Variants in AAGAB observed in about 807,000 individuals in gnomAD.
The protein encoded by AAGAB is alpha and gamma adaptin binding protein.
AAGAB carries 38 observed loss-of-function variants against 44.1 expected under a neutral mutation model. The ratio of observed to expected loss-of-function variants is 0.86; its 90% CI spans 0.67 to 1.13. The LOEUF is 1.13. Among genes scored for constraint, AAGAB ranks in the 50% most tolerant of loss-of-function variants. AAGAB has a pLI of 0.00. For missense variants in AAGAB, 450 were observed against 373.8 expected, an observed-to-expected ratio of 1.20 and a Z score of -1.68; for synonymous variants, 131 against 131.8, an observed-to-expected ratio of 0.99 and a Z score of 0.04.
intron 5 of AAGAB, among the ~76,000 whole-genome samples, chr15:67,223,051 A>G (rs983285679): frequency 6.6e-6 from 1 of 152,150 alleles, no homozygotes; most frequent in African/African-American, 2.4e-5. Context: ...TGCTTCCCGA[A>G]TAAGACTCCA....
chr15:67,205,991 A>C (rs1336758785), intron 7 of AAGAB, among the ~76,000 whole-genome samples: 1 of 152,220 alleles, frequency 6.6e-6, no homozygotes, highest in Non-Finnish European at 1.5e-5. Context: ...ACAATTATAA[A>C]AATCAAGAAG....
chr15:67,235,765 C>T (rs571686246), intron 4 of AAGAB, among the ~76,000 whole-genome samples: 70 of 152,248 alleles, frequency 4.6e-4, no homozygotes, highest in African/African-American at 1.6e-3. Context: ...GAAAAACACA[C>T]ATTTTCAAAA....
chr15:67,230,787 C>A (rs1964316510), intron 5 of AAGAB, among the ~76,000 whole-genome samples: 1 of 152,194 alleles, frequency 6.6e-6, no homozygotes, highest in African/African-American at 2.4e-5. Context: ...CACTACATTA[C>A]CCCGGGCCCC....
intron 5 of AAGAB, among the ~76,000 whole-genome samples, chr15:67,211,771 C>A (rs1040868825): frequency 6.6e-6 from 1 of 152,192 alleles, no homozygotes; most frequent in African/African-American, 2.4e-5. Context: ...TATTTTTCCT[C>A]TGTTAGGCGT....
At chr15:67,215,995 C>A (rs1182847878) in intron 5 of AAGAB, among the ~76,000 whole-genome samples, 1 of 152,094 alleles carries the variant, frequency 6.6e-6, no homozygotes, top group Non-Finnish European at 1.5e-5. Flanking sequence ...TCCCTTGACA[C>A]CTGGGACACC....
At chr15:67,234,156 G>C (rs913445353) in intron 4 of AAGAB, among the ~76,000 whole-genome samples, 7 of 152,026 alleles carry the variant, frequency 4.6e-5, no homozygotes, top group Non-Finnish European at 8.8e-5. Flanking sequence ...GGGAGGCTGA[G>C]GCAGGAGAAT....
Position 67,236,751 on chromosome 15 carries a change from G to A in AAGAB, c.143C>T (p.Thr48Ile). 2 of 1,612,912 alleles carry A rather than the reference G, an allele frequency of 1.2e-6. No homozygotes were observed. Among genetic ancestry groups the A allele is most frequent in the South Asian group, 1.1e-5 (1 of 90,814 alleles). The change falls in exon 2 of 10, where the codon ACC becomes ATC. Residue 48 changes from threonine to isoleucine, a missense_variant. Physicochemically the swap from Thr to Ile is moderately conservative, Grantham distance 89. Coordinates refer to ENST00000261880, the MANE Select transcript of AAGAB (RefSeq NM_024666.5). ...SNDAVRFYPW[T>I]IDNKYYSADI... ...TGCTGAATAGTATTTATTATCAATG[G>A]TCCAGGGATAAAATCTCACAGCATC...
chr15:67,208,426 A>G, intron 7 of AAGAB, 136 bp downstream of exon 7: 1 of 629,986 alleles, frequency 1.6e-6, no homozygotes, highest in East Asian at 2.8e-5. Flanking sequence ...GGCAAGGCTC[A>G]CATTCATGTG....
At chr15:67,206,805 T>C (rs1376469741) in intron 7 of AAGAB, among the ~76,000 whole-genome samples, 1 of 152,174 alleles carries the variant, frequency 6.6e-6, no homozygotes, top group Non-Finnish European at 1.5e-5. Context: ...TCCAGGGTCA[T>C]CCTGTATTTT....
intron 1 of AAGAB, among the ~76,000 whole-genome samples, chr15:67,248,669 A>G (rs569623602): frequency 6.6e-6 from 1 of 152,344 alleles, no homozygotes; most frequent in East Asian, 1.9e-4. Context: ...GGAGTCTGAC[A>G]GACCTAGAAA....
chr15:67,215,841 T>A (rs1429902587), intron 5 of AAGAB, among the ~76,000 whole-genome samples: 1 of 152,182 alleles, frequency 6.6e-6, no homozygotes, highest in African/African-American at 2.4e-5. Context: ...ATTACGAGAA[T>A]CAATTTATTC....
chr15:67,203,251 T>A (rs973767467), intron 9 of AAGAB, among the ~76,000 whole-genome samples: 1 of 152,244 alleles, frequency 6.6e-6, no homozygotes, highest in African/African-American at 2.4e-5. Flanking sequence ...CAATAGCATG[T>A]GTTGTGTTGG....
intron 5 of AAGAB, among the ~76,000 whole-genome samples, chr15:67,214,466 T>C (rs1963895006): frequency 6.6e-6 from 1 of 152,076 alleles, no homozygotes; most frequent in Admixed American, 6.6e-5. Context: ...AATTCTTTGG[T>C]GTGTGGGTAG....
chr15:67,222,244 A>G (rs7162288), intron 5 of AAGAB, among the ~76,000 whole-genome samples: 4,592 of 25,594 alleles, frequency 0.18, 81 homozygotes, highest in Middle Eastern at 0.26. Flanking sequence ...GCGCGCGCGC[A>G]CACACACACA....
Position 67,209,533 on chromosome 15 carries a change from C to G in AAGAB, c.547G>C (p.Gly183Arg). 1.9e-6 allele frequency: 3 copies of G among 1,613,920 alleles called. No individual in the cohort carries two copies. The highest frequency in any genetic ancestry group is 2.5e-6 in the Non-Finnish European group (3 of 1,179,846). Residue 183 changes from glycine to arginine, a missense_variant, in exon 6 of 10, where the codon GGC becomes CGC. Physicochemically the swap from Gly to Arg is moderately radical, Grantham distance 125. Transcript: ENST00000261880. ...GTCAATGAGTTGAGAAGGCTAAAGC[C>G]TTGGTTCCTATCTGAAAAGGAAAAA... is the stretch of plus-strand genomic sequence containing the variant. ...NVVMKNDRNQGFSLLNSLTGT... is the reference protein window; with the variant it reads ...NVVMKNDRNQRFSLLNSLTGT...
intron 1 of AAGAB, among the ~76,000 whole-genome samples, chr15:67,246,942 G>A (rs527909065): frequency 2.6e-4 from 40 of 152,290 alleles, no homozygotes; most frequent in Non-Finnish European, 3.8e-4. Context: ...CCCCTTCCAC[G>A]CTGTGGAAGC....
chr15:67,232,348 T>A (rs576569031), intron 4 of AAGAB: 2 of 178,910 alleles, frequency 1.1e-5, no homozygotes, highest in Non-Finnish European at 2.4e-5. Context: ...GTTCACATCA[T>A]ACAAGGAAAA....
chr15:67,244,723 GA>G (rs1359051369), intron 1 of AAGAB, among the ~76,000 whole-genome samples: 1 of 151,900 alleles, frequency 6.6e-6, no homozygotes, highest in African/African-American at 2.4e-5. Flanking sequence ...AGAATTGCTT[GA>G]ACCCCAGAGG....
chr15:67,214,186 T>C (rs186699422), intron 5 of AAGAB, among the ~76,000 whole-genome samples: 2 of 143,458 alleles, frequency 1.4e-5, no homozygotes, highest in African/African-American at 4.9e-5. Context: ...GTTTCATTCA[T>C]ATATAGTTCT....
Sources: gnomAD v4.1 joint callset for allele counts (sites outside exome capture counted in the v4.1 genomes callset) on GRCh38, gnomAD v4.1.1 for gene constraint, MANE v1.5 for transcripts, NCBI Gene and HGNC (gene_info 2026-07-23, HGNC 2026-07-21) for gene names.